The following FOXP2 variants were observed in gnomAD, a reference collection of about 807,000 sequenced individuals.
FOXP2 encodes forkhead box protein P2.
FOXP2 carries 12 observed loss-of-function variants against 115.8 expected under a neutral mutation model. The ratio of observed to expected loss-of-function variants is 0.10; its 90% CI spans 0.07 to 0.17. The LOEUF is 0.17. Ranked by LOEUF, FOXP2 falls within the 10% of genes least tolerant of loss-of-function variation. The pLI is 1.00. For missense variants in FOXP2, 629 were observed against 843.5 expected, an observed-to-expected ratio of 0.75 and a Z score of 3.15; for synonymous variants, 328 against 297.7, an observed-to-expected ratio of 1.10 and a Z score of -1.05.
intron 1 of FOXP2, among the ~76,000 whole-genome samples, chr7:114,198,036 T>C (rs1353633842): frequency 6.6e-6 from 1 of 152,026 alleles, no homozygotes; most frequent in Non-Finnish European, 1.5e-5. Flanking sequence ...AGTTAATTTT[T>C]GTATTTTTGG....
rs746540021 is a variant in FOXP2 at position 114,690,564 on chromosome 7, A to T, written c.*638A>T. On this transcript the variant is annotated 3_prime_UTR_variant, in exon 17 of 17. Transcript: ENST00000350908. Reference sequence around the variant, plus strand: ...GTAATTAGACTGTTGCAACCATCTAAAACCTTAGGCTTCCAGTCTGTGCTG... The same window carrying T: ...GTAATTAGACTGTTGCAACCATCTATAACCTTAGGCTTCCAGTCTGTGCTG... 2.2e-6 allele frequency: 1 copy of T among 454,084 alleles called. No homozygotes were observed. The highest frequency in any genetic ancestry group is 1.6e-5 in the South Asian group (1 of 64,474). The allele number at this position is 454,084 out of a possible 1,614,324, so 28.1% of individuals were successfully genotyped here. A position where few individuals can be genotyped will look rare whatever the true frequency, so the allele number is the denominator to read the frequency against.
rs1299130011 is a variant in FOXP2, at chr7:114,416,603, TTTCA to T, written c.-11+1247_-11+1250del. 2.6e-4 allele frequency among the ~76,000 whole-genome samples: 40 copies of T among 151,944 alleles called. 2 individuals are homozygous for T. The highest frequency in any genetic ancestry group is 2.6e-3 in the Admixed American group (40 of 15,210). On this transcript the variant is annotated intron_variant, in intron 1 of 16. Coordinates refer to ENST00000350908, the MANE Select transcript of FOXP2 (RefSeq NM_014491.4). The stretch of plus-strand genomic sequence containing the variant: ...GTCAATAGTGTGTGTAATACAAAAC[TTTCA>T]TTCTTATTTTCGATTGTTCCTTATC...
intron 3 of FOXP2, among the ~76,000 whole-genome samples, chr7:114,537,296 G>A (rs1219195420): frequency 6.6e-6 from 1 of 151,490 alleles, no homozygotes; most frequent in Non-Finnish European, 1.5e-5. Context: ...ATCTGTAGGT[G>A]CAAGGCAAGA....
chr7:114,659,856 T>C (rs1466510672), intron 13 of FOXP2, among the ~76,000 whole-genome samples, 183 bp downstream of exon 13: 4 of 152,160 alleles, frequency 2.6e-5, no homozygotes, highest in Non-Finnish European at 5.9e-5. Context: ...GCCTCTGATA[T>C]AGTTTTCTAA....
At chr7:114,087,990 T>A (rs989151764) in intron 1 of FOXP2, among the ~76,000 whole-genome samples, 9 of 152,176 alleles carry the variant, frequency 5.9e-5, no homozygotes, top group Middle Eastern at 3.4e-3. Flanking sequence ...GGCCACCGCT[T>A]GGGACGCTCC....
At chr7:114,608,430 A>G (rs1300728982) in intron 3 of FOXP2, among the ~76,000 whole-genome samples, 1 of 152,222 alleles carries the variant, frequency 6.6e-6, no homozygotes. Flanking sequence ...ATGACAGCTT[A>G]CTTCTTCAAG....
At chr7:114,267,711 A>C (rs1313158173) in intron 1 of FOXP2, among the ~76,000 whole-genome samples, 10 of 150,736 alleles carry the variant, frequency 6.6e-5, no homozygotes, top group African/African-American at 2.2e-4. Context: ...TGGGAGACAG[A>C]GCGAGACTCC....
At chr7:114,363,443 A>G (rs1562887809) in intron 2 of FOXP2, among the ~76,000 whole-genome samples, 1 of 152,138 alleles carries the variant, frequency 6.6e-6, no homozygotes, top group South Asian at 2.1e-4. Context: ...TGTCAGTGGC[A>G]TAAGGCGAGT....
chr7:114,587,623 TC>T (rs1802205569), intron 3 of FOXP2, among the ~76,000 whole-genome samples: 2 of 151,926 alleles, frequency 1.3e-5, no homozygotes, highest in African/African-American at 2.4e-5. Context: ...ATAAAGCAAA[TC>T]CAAACACATA....
chr7:114,392,159 A>C lies in FOXP2; in HGVS notation c.-10-34343A>C, dbSNP rs532063739. Among the ~76,000 whole-genome samples the C allele has an allele frequency of 9.8e-5, 15 of 152,332 alleles. No individual in the cohort carries two copies. The South Asian group carries it at 3.1e-3, about 32-fold the overall frequency. Reference sequence around the variant, plus strand: ...CTGTCAAGTGGAAGCTGAAGCAGACAGTTTTCCAGTAGATATAATGGAGAA... The same window carrying C: ...CTGTCAAGTGGAAGCTGAAGCAGACCGTTTTCCAGTAGATATAATGGAGAA... On this transcript the variant is annotated intron_variant, in intron 2 of 17. Transcript: ENST00000634411.
chr7:114,195,242 A>G (rs1322997871), intron 1 of FOXP2, among the ~76,000 whole-genome samples: 1 of 152,204 alleles, frequency 6.6e-6, no homozygotes, highest in Non-Finnish European at 1.5e-5. Context: ...AGGGACATTG[A>G]AGAAAGAGAC....
chr7:114,392,566 A>G (rs988839237), intron 2 of FOXP2, among the ~76,000 whole-genome samples: 2 of 152,184 alleles, frequency 1.3e-5, no homozygotes, highest in Admixed American at 1.3e-4. Context: ...ATAAAATAGT[A>G]TGAATTGCCT....
chr7:114,389,298 G>A (rs1792529618), intron 2 of FOXP2, among the ~76,000 whole-genome samples: 1 of 152,202 alleles, frequency 6.6e-6, no homozygotes, highest in South Asian at 2.1e-4. Flanking sequence ...CAACCTTAGA[G>A]TTTCTAGAGG....
intron 6 of FOXP2, among the ~76,000 whole-genome samples, chr7:114,640,733 C>T (rs956504582): frequency 2.6e-5 from 4 of 152,066 alleles, no homozygotes; most frequent in African/African-American, 9.7e-5. Flanking sequence ...GATGTATGTT[C>T]GGTTGGGAGA....
upstream of FOXP2, among the ~76,000 whole-genome samples, chr7:114,159,128 C>A (rs148073814): frequency 6.6e-6 from 1 of 151,990 alleles, no homozygotes; most frequent in Non-Finnish European, 1.5e-5. Context: ...CTTGAGGAAA[C>A]TGACATGGTA....
intron 16 of FOXP2, among the ~76,000 whole-genome samples, chr7:114,687,489 C>G (rs558355838): frequency 6.6e-6 from 1 of 152,102 alleles, no homozygotes; most frequent in African/African-American, 2.4e-5. Context: ...CTTAATATAG[C>G]GTAAAGTGAC....
At chr7:114,399,971 C>T (rs1022811600) in intron 2 of FOXP2, among the ~76,000 whole-genome samples, 1 of 151,798 alleles carries the variant, frequency 6.6e-6, no homozygotes, top group Non-Finnish European at 1.5e-5. Flanking sequence ...ATTCTCCTGC[C>T]TCAGCCTTCT....
intron 2 of FOXP2, among the ~76,000 whole-genome samples, chr7:114,455,218 C>T (rs971044993): frequency 3.3e-5 from 5 of 152,108 alleles, no homozygotes; most frequent in African/African-American, 1.2e-4. Flanking sequence ...AAAACTTTTC[C>T]TAACCCAAAT....
chr7:114,282,345 A>G (rs1191528183), intron 1 of FOXP2, among the ~76,000 whole-genome samples: 3 of 152,194 alleles, frequency 2.0e-5, no homozygotes, highest in Middle Eastern at 3.2e-3. Flanking sequence ...TAACTCCAAA[A>G]TTTATGACCT....
Sources: gnomAD v4.1 joint callset for allele counts (sites outside exome capture counted in the v4.1 genomes callset) on GRCh38, gnomAD v4.1.1 for gene constraint, MANE v1.5 for transcripts, NCBI Gene and HGNC (gene_info 2026-07-23, HGNC 2026-07-21) for gene names.